MEGF6: variants seen among roughly 807,000 people sequenced by gnomAD.
MEGF6 encodes multiple EGF like domains 6.
Under a neutral mutation model 207.1 loss-of-function variants are expected in MEGF6, and 184 were observed. The ratio of observed to expected loss-of-function variants is 0.89; its 90% confidence interval spans 0.79 to 1.00. The LOEUF is 1.00. Ranked by LOEUF, MEGF6 falls within the 50% of genes least tolerant of loss-of-function variation. The probability of loss-of-function intolerance (pLI) is 0.00; values close to 1 mark genes in which losing one functional copy is unlikely to be tolerated. For missense variants in MEGF6, 2,282 were observed against 2,202.9 expected, an observed-to-expected ratio of 1.04 and a Z score of -0.72; for synonymous variants, 1,038 against 910.0, an observed-to-expected ratio of 1.14 and a Z score of -2.53.
Position 3,572,172 on chromosome 1 carries a change from T to C in MEGF6, c.481+7653A>G, listed in dbSNP as rs551898129. ...TTCTCTCAGGTGTGCTGGGTCCTCC[T>C]GGGTGTGCTGGGTCCTCCTGGGTGT... On this transcript the variant is annotated intron_variant, in intron 4 of 36. Coordinates refer to ENST00000356575, the MANE Select transcript of MEGF6 (RefSeq NM_001409.4). Among the ~76,000 whole-genome samples the C allele has an allele frequency of 1.4e-3, 176 of 128,154 alleles. 1 individual carries two copies. Among genetic ancestry groups the C allele is most frequent in the African/African-American group, 4.9e-3 (162 of 32,850 alleles). The allele number at this position is 128,154 out of a possible 152,430, so 84.1% of individuals were successfully genotyped here.
chr1:3,602,615 C>T lies in MEGF6; in HGVS notation c.132-15G>A, dbSNP rs2794330. 601,257 of 1,596,584 alleles carry T rather than the reference C, an allele frequency of 0.38. 115,552 individuals are homozygous for T. The highest frequency in any genetic ancestry group is 0.53 in the Admixed American group (31,171 of 58,376). ...ACACGTGGGGCCTGGAACAGAGACA[C>T]GGAGAGTCAGCGCCTCGGCCACCCC... On this transcript the variant is annotated splice_polypyrimidine_tract_variant and intron_variant, in intron 1 of 36. Coordinates refer to ENST00000356575, the MANE Select transcript of MEGF6 (RefSeq NM_001409.4).
At chr1:3,599,276 C>T (rs377537284) in intron 2 of MEGF6, among the ~76,000 whole-genome samples, 2 of 152,342 alleles carry the variant, frequency 1.3e-5, no homozygotes, top group East Asian at 1.9e-4. Flanking sequence ...GGCCTCCCCC[C>T]CAGAGCTCAG....
chr1:3,513,388 C>T (rs920038364), intron 7 of MEGF6, among the ~76,000 whole-genome samples: 10 of 150,636 alleles, frequency 6.6e-5, no homozygotes, highest in Non-Finnish European at 1.0e-4. Context: ...ACTCCTGCCT[C>T]GGCCTCCTGA....
chr1:3,568,974 TG>T (rs1320847332), intron 4 of MEGF6, among the ~76,000 whole-genome samples: 4 of 151,074 alleles, frequency 2.6e-5, no homozygotes, highest in Admixed American at 2.0e-4. Context: ...GCTGTCAGGC[TG>T]GGCACTGCAG....
chr1:3,535,151 C>T (rs913915612), intron 4 of MEGF6, among the ~76,000 whole-genome samples: 6 of 152,134 alleles, frequency 3.9e-5, no homozygotes, highest in Admixed American at 2.6e-4. Flanking sequence ...ACACATGACT[C>T]GGGAAGGAGA....
chr1:3,611,521 G>A, upstream of MEGF6: 3 of 379,528 alleles, frequency 7.9e-6, no homozygotes, highest in Non-Finnish European at 1.4e-5. Context: ...CCCGGACTCA[G>A]AGCCTGGAAA....
At chr1:3,574,348 C>T (rs1384750906) in intron 4 of MEGF6, among the ~76,000 whole-genome samples, 1 of 152,160 alleles carries the variant, frequency 6.6e-6, no homozygotes, top group Non-Finnish European at 1.5e-5. Flanking sequence ...CTCTGCTCTG[C>T]TCCTCTGCTC....
rs1440927664 is a variant in MEGF6 at position 3,496,665 on chromosome 1, G to A, written c.3732C>T (p.Asp1244=). Residue 1244 remains aspartate (D), a synonymous_variant, in exon 29 of 37, where the codon GAC becomes GAT. Transcript: ENST00000356575. ...CRCPTGFLGT[D]CNLTCPQGRF... is the part of the protein sequence containing the mutation. ...CCACCAGCCACTCACTGAGGTTGCA[G>A]TCCGTCCCGAGGAACCCAGTGGGGC... The A allele has an allele frequency of 1.3e-6, 2 of 1,573,972 alleles. No homozygotes were observed. Among genetic ancestry groups the A allele is most frequent in the South Asian group, 1.2e-5 (1 of 86,086 alleles).
chr1:3,598,916 C>T (rs545014902), intron 2 of MEGF6, among the ~76,000 whole-genome samples: 106 of 152,270 alleles, frequency 7.0e-4, no homozygotes, highest in African/African-American at 2.3e-3. Context: ...GGCCCCCGGC[C>T]GGGTTTGTCA....
At chr1:3,593,551 T>C (rs1644013838) in intron 3 of MEGF6, among the ~76,000 whole-genome samples, 1 of 138,440 alleles carries the variant, frequency 7.2e-6, no homozygotes, top group Non-Finnish European at 1.5e-5. Flanking sequence ...CAGTAAACCC[T>C]GGGGACTCGG....
At chr1:3,499,031 C>A (rs1640736582) in intron 24 of MEGF6, 107 bp downstream of exon 24, 1 of 1,484,790 alleles carries the variant, frequency 6.7e-7, no homozygotes, top group Non-Finnish European at 9.1e-7. Context: ...GTCCTAACAG[C>A]CCCTTCCTCC....
intron 2 of MEGF6, among the ~76,000 whole-genome samples, chr1:3,601,958 G>A (rs1295299224): frequency 6.6e-6 from 1 of 152,250 alleles, no homozygotes; most frequent in Non-Finnish European, 1.5e-5. Flanking sequence ...TGACACGGGG[G>A]CTGCCAGCTC....
chr1:3,557,379 T>C (rs1452808051), intron 4 of MEGF6, among the ~76,000 whole-genome samples: 1 of 152,162 alleles, frequency 6.6e-6, no homozygotes, highest in East Asian at 1.9e-4. Flanking sequence ...TGCAGGCTGC[T>C]CCCGGCTGCA....
intron 3 of MEGF6, among the ~76,000 whole-genome samples, chr1:3,591,708 G>T (rs1169410891): frequency 6.8e-6 from 1 of 147,434 alleles, no homozygotes; most frequent in Non-Finnish European, 1.5e-5. Context: ...TGCTACCAAG[G>T]TCTCGTAGCT....
rs1459103917 is a variant in MEGF6, at chr1:3,573,711, G to A, written c.481+6114C>T. 2.0e-5 allele frequency among the ~76,000 whole-genome samples: 3 copies of A among 152,150 alleles called. No individual in the cohort carries two copies. The highest frequency in any genetic ancestry group is 7.2e-5 in the African/African-American group (3 of 41,432). ...CCGTCCTCCCCTCCCACCACTCCCTGGGGCACAGAGTCTGAGTCTGGCAGC... is the reference window on the plus strand; with the variant it reads ...CCGTCCTCCCCTCCCACCACTCCCTAGGGCACAGAGTCTGAGTCTGGCAGC... On this transcript the variant is annotated intron_variant, in intron 4 of 36. Coordinates refer to ENST00000356575, the MANE Select transcript of MEGF6 (RefSeq NM_001409.4). The surrounding 1 kb of genome is among the most constrained non-coding windows in gnomAD (Gnocchi z 5.1).
rs1191752328 is a variant in MEGF6 at position 3,498,455 on chromosome 1, C to A, written c.3268G>T (p.Gly1090Cys). Residue 1090 changes from glycine (G) to cysteine (C), a missense_variant, in exon 26 of 37, where the codon GGT becomes TGT. Physicochemically the swap from Gly to Cys is radical, Grantham distance 159. Coordinates refer to ENST00000356575, the MANE Select transcript of MEGF6 (RefSeq NM_001409.4). The part of the protein sequence containing the change: ...DVRAGCRHSG[G>C]CLNGGLCDPH... Reference sequence around the variant, plus strand: ...TCACACAGGCCCCCGTTGAGGCAACCGCCGCTGTGCCGGCAGCCAGCTCTG... The same window carrying A: ...TCACACAGGCCCCCGTTGAGGCAACAGCCGCTGTGCCGGCAGCCAGCTCTG... 6.3e-7 allele frequency: 1 copy of A among 1,582,886 alleles called. No individual in the cohort carries two copies. The highest frequency in any genetic ancestry group is 1.1e-5 in the South Asian group (1 of 88,090).
intron 7 of MEGF6, among the ~76,000 whole-genome samples, chr1:3,513,129 T>G (rs571602294): frequency 1.3e-5 from 2 of 152,222 alleles, no homozygotes; most frequent in Non-Finnish European, 2.9e-5. Context: ...GCCCATCCCA[T>G]ACGTCTAGGT....
chr1:3,500,562 T>C, intron 21 of MEGF6, 71 bp downstream of exon 21: 1 of 1,478,694 alleles, frequency 6.8e-7, no homozygotes, highest in South Asian at 1.3e-5. Context: ...GCTTTGTGTG[T>C]GTGCACGTGT....
intron 4 of MEGF6, among the ~76,000 whole-genome samples, chr1:3,529,773 A>G (rs1642086999): frequency 6.6e-6 from 1 of 152,244 alleles, no homozygotes; most frequent in Non-Finnish European, 1.5e-5. Context: ...GCAGGTGGAC[A>G]GGCATGGCTG....
Sources: allele counts gnomAD v4.1 joint callset (sites outside exome capture counted in the v4.1 genomes callset), GRCh38; gene constraint gnomAD v4.1.1; non-coding constraint Gnocchi (gnomAD v3.1); transcripts MANE v1.5; gene names NCBI Gene and HGNC (gene_info 2026-07-23, HGNC 2026-07-21).